ACTR3C: variants seen among roughly 807,000 people sequenced by gnomAD.
ACTR3C encodes actin related protein 3C, also known as actin-related protein 3C.
A neutral mutation model predicts 26.3 loss-of-function variants in ACTR3C; 18 were observed. The observed-to-expected ratio is 0.68, with a 90% CI of 0.47 to 1.01. The LOEUF (loss-of-function observed/expected upper bound fraction) is 1.01. Ranked by LOEUF, ACTR3C falls within the 50% of genes least tolerant of loss-of-function variation. ACTR3C has a pLI of 0.00. For synonymous variants in ACTR3C, 55 were observed against 94.5 expected (o/e 0.58, Z 2.42); for missense variants, 184 against 250.7 (o/e 0.73, Z 1.80).
chr7:150,200,386 T>C, the ACTR3C span, among the ~76,000 whole-genome samples: 3 of 152,206 alleles, frequency 2.0e-5, no homozygotes, highest in African/African-American at 7.2e-5. Flanking sequence ...TACACTGCAA[T>C]GCATATATCT....
chr7:150,179,701 G>A, the ACTR3C span, among the ~76,000 whole-genome samples: 1 of 151,600 alleles, frequency 6.6e-6, no homozygotes, highest in Non-Finnish European at 1.5e-5. Context: ...ATGTTGCCCA[G>A]ACTGGTCTTC....
the ACTR3C span, among the ~76,000 whole-genome samples, chr7:149,926,769 G>A: frequency 6.6e-6 from 1 of 152,034 alleles, no homozygotes; most frequent in Non-Finnish European, 1.5e-5. Flanking sequence ...GTGGTCTGCG[G>A]AACCCCTGAA....
chr7:150,198,951 C>T, the ACTR3C span, among the ~76,000 whole-genome samples: 6 of 136,752 alleles, frequency 4.4e-5, no homozygotes, highest in South Asian at 2.3e-4. Flanking sequence ...GCCCCCTGCC[C>T]GGCCAGCCGC....
the ACTR3C span, among the ~76,000 whole-genome samples, chr7:150,086,045 C>T: frequency 0.089 from 13,563 of 151,596 alleles, 801 homozygotes; most frequent in Middle Eastern, 0.17. Context: ...GGCAAAATCT[C>T]GGCTCACTAC....
chr7:150,191,136 A>G, the ACTR3C span, among the ~76,000 whole-genome samples: 1 of 152,226 alleles, frequency 6.6e-6, no homozygotes, highest in Non-Finnish European at 1.5e-5. Flanking sequence ...TATAAAATAC[A>G]TCTTGAAATC....
At chr7:150,277,488 C>A (rs1378638065) in intron 6 of ACTR3C, among the ~76,000 whole-genome samples, 1 of 152,140 alleles carries the variant, frequency 6.6e-6, no homozygotes, top group Non-Finnish European at 1.5e-5. Context: ...CATTTGCAGA[C>A]CTTTCATTTC....
chr7:150,084,599 G>A, the ACTR3C span, among the ~76,000 whole-genome samples: 1 of 152,166 alleles, frequency 6.6e-6, no homozygotes, highest in Non-Finnish European at 1.5e-5. Flanking sequence ...TGATGCAGAA[G>A]GAATGTGATA....
chr7:150,035,585 C>T, the ACTR3C span, among the ~76,000 whole-genome samples: 40 of 126,648 alleles, frequency 3.2e-4, 3 homozygotes, highest in African/African-American at 1.1e-3. Flanking sequence ...GAGGGACTGG[C>T]TCTCAGTAAT....
chr7:150,100,806 G>A, the ACTR3C span, among the ~76,000 whole-genome samples: 1 of 151,296 alleles, frequency 6.6e-6, no homozygotes, highest in Non-Finnish European at 1.5e-5. Context: ...CCGGGCTCAA[G>A]CAATCCTACC....
chr7:150,103,689 C>T, the ACTR3C span, among the ~76,000 whole-genome samples: 1 of 151,790 alleles, frequency 6.6e-6, no homozygotes, highest in Non-Finnish European at 1.5e-5. Context: ...AATTCAGAGA[C>T]AATATTACCT....
At chr7:150,314,690 C>T (rs1171547791) in intron 1 of ACTR3C, among the ~76,000 whole-genome samples, 1 of 151,358 alleles carries the variant, frequency 6.6e-6, no homozygotes, top group Non-Finnish European at 1.5e-5. Context: ...TGCCTGTAAT[C>T]CCAGTACTTG....
At chr7:150,187,160 C>T in the ACTR3C span, among the ~76,000 whole-genome samples, 1 of 151,456 alleles carries the variant, frequency 6.6e-6, no homozygotes, top group Non-Finnish European at 1.5e-5. Context: ...TCTGAACATT[C>T]ATTGTTTCCA....
the ACTR3C span, among the ~76,000 whole-genome samples, chr7:150,037,718 G>T: frequency 1.1e-5 from 1 of 93,698 alleles, no homozygotes; most frequent in Non-Finnish European, 2.3e-5. Flanking sequence ...GGGGTCCTAA[G>T]CCAGGGGGGA....
At chr7:149,901,789 C>A in the ACTR3C span, among the ~76,000 whole-genome samples, 2 of 151,684 alleles carry the variant, frequency 1.3e-5, no homozygotes, top group East Asian at 3.9e-4. Flanking sequence ...TGGCACATGT[C>A]GGTAATCCCA....
the ACTR3C span, among the ~76,000 whole-genome samples, chr7:149,947,036 G>A: frequency 1.3e-5 from 2 of 151,590 alleles, no homozygotes; most frequent in East Asian, 1.9e-4. Context: ...GGCGGTGGAG[G>A]GTACCACTGG....
At chr7:150,319,589 GC>G (rs1463110314) in intron 1 of ACTR3C, among the ~76,000 whole-genome samples, 1 of 152,214 alleles carries the variant, frequency 6.6e-6, no homozygotes, top group Non-Finnish European at 1.5e-5. Flanking sequence ...GGGCAGGATG[GC>G]AAATTCAGGT....
At chr7:150,158,906 C>G in the ACTR3C span, among the ~76,000 whole-genome samples, 4 of 150,540 alleles carry the variant, frequency 2.7e-5, no homozygotes, top group African/African-American at 9.9e-5. Flanking sequence ...CACACACGTG[C>G]GCACACACAC....
chr7:149,942,932 G>A, the ACTR3C span, among the ~76,000 whole-genome samples: 1 of 151,736 alleles, frequency 6.6e-6, no homozygotes, highest in Non-Finnish European at 1.5e-5. Context: ...TGGGCTGATC[G>A]ACGAACAAAT....
At chr7:150,030,433 A>C in the ACTR3C span, among the ~76,000 whole-genome samples, 1 of 151,964 alleles carries the variant, frequency 6.6e-6, no homozygotes, top group South Asian at 2.1e-4. Context: ...CAACTGCACT[A>C]TTCTAGACTC....
Sources: allele counts gnomAD v4.1 joint callset (sites outside exome capture counted in the v4.1 genomes callset), GRCh38; gene constraint gnomAD v4.1.1; transcripts MANE v1.5; gene names NCBI Gene and HGNC (gene_info 2026-07-23, HGNC 2026-07-21).